The following TENM3 variants were observed in gnomAD, a reference collection of about 807,000 sequenced individuals.
The protein encoded by TENM3 is teneurin transmembrane protein 3.
Under a neutral mutation model 255.1 loss-of-function variants are expected in TENM3, and 63 were observed. The observed-to-expected ratio is 0.25, with a 90% CI of 0.20 to 0.30. TENM3 has a LOEUF of 0.30. Among genes scored for constraint, TENM3 ranks in the 10% least tolerant of loss-of-function variants. The pLI is 1.00. For missense variants in TENM3, 2,929 were observed against 3,461.1 expected, an observed-to-expected ratio of 0.85 and a Z score of 3.86; for synonymous variants, 1,306 against 1,322.3, an observed-to-expected ratio of 0.99 and a Z score of 0.27.
intron 1 of TENM3, among the ~76,000 whole-genome samples, chr4:182,279,370 T>C (rs1760223363): frequency 1.3e-5 from 2 of 152,304 alleles, no homozygotes; most frequent in African/African-American, 4.8e-5. Flanking sequence ...TAGTATAAAA[T>C]GTCGATCAGT....
chr4:181,456,169 G>A, the TENM3 span, among the ~76,000 whole-genome samples: 33 of 138,344 alleles, frequency 2.4e-4, no homozygotes, highest in African/African-American at 9.8e-4. Context: ...ACACATGTGT[G>A]TGTATATATG....
At chr4:182,785,921 A>G (rs1765614815) in intron 24 of TENM3, among the ~76,000 whole-genome samples, 1 of 152,130 alleles carries the variant, frequency 6.6e-6, no homozygotes, top group African/African-American at 2.4e-5. Context: ...TAAGGGGGTG[A>G]AAAACATGAG....
the TENM3 span, among the ~76,000 whole-genome samples, chr4:181,830,840 G>A: frequency 1.3e-5 from 2 of 150,016 alleles, no homozygotes; most frequent in African/African-American, 2.5e-5. Context: ...AGTGTAGGTC[G>A]CTCCTGTAAT....
chr4:182,331,428 C>T (rs771664336), intron 2 of TENM3, among the ~76,000 whole-genome samples: 1 of 152,076 alleles, frequency 6.6e-6, no homozygotes, highest in Non-Finnish European at 1.5e-5. Flanking sequence ...AGCCTGTGGT[C>T]CCAGCTACTC....
the TENM3 span, among the ~76,000 whole-genome samples, chr4:181,983,749 AAAT>A: frequency 6.6e-6 from 1 of 152,074 alleles, no homozygotes; most frequent in Non-Finnish European, 1.5e-5. Context: ...TTTTCAGACA[AAAT>A]AATGTTTATT....
At chr4:182,595,929 A>C (rs1514482) in intron 3 of TENM3, among the ~76,000 whole-genome samples, 51,912 of 150,980 alleles carry the variant, frequency 0.34, 10,265 homozygotes, top group East Asian at 0.49. Context: ...TCTTTATATT[A>C]TTCACATATC....
chr4:182,034,968 G>A, the TENM3 span, among the ~76,000 whole-genome samples: 6 of 152,116 alleles, frequency 3.9e-5, no homozygotes, highest in Admixed American at 3.9e-4. Flanking sequence ...GTGATACCCT[G>A]AAGTGTGTTT....
the TENM3 span, among the ~76,000 whole-genome samples, chr4:181,633,372 C>G: frequency 1.4e-4 from 21 of 152,108 alleles, no homozygotes; most frequent in Non-Finnish European, 2.4e-4. Flanking sequence ...AAATGAGCTG[C>G]GGTATACAAG....
At chr4:181,699,468 A>AT in the TENM3 span, among the ~76,000 whole-genome samples, 2 of 140,858 alleles carry the variant, frequency 1.4e-5, no homozygotes, top group African/African-American at 5.3e-5. Context: ...AAAAAAAAAA[A>AT]AAAAGAAAGA....
the TENM3 span, among the ~76,000 whole-genome samples, chr4:181,760,973 C>CAT: frequency 1.8e-5 from 1 of 55,522 alleles, no homozygotes; most frequent in Non-Finnish European, 4.2e-5. Flanking sequence ...CACACATACA[C>CAT]ACACACACAC....
chr4:181,851,532 G>A, the TENM3 span, among the ~76,000 whole-genome samples: 1 of 152,040 alleles, frequency 6.6e-6, no homozygotes, highest in African/African-American at 2.4e-5. Flanking sequence ...CCTTTTCCTG[G>A]TATTCCAACA....
chr4:181,579,327 T>G, the TENM3 span, among the ~76,000 whole-genome samples: 33 of 152,304 alleles, frequency 2.2e-4, no homozygotes, highest in South Asian at 4.2e-4. Context: ...CTGACTCGTT[T>G]GCAAACTGTT....
chr4:182,021,600 T>C, the TENM3 span, among the ~76,000 whole-genome samples: 3 of 152,306 alleles, frequency 2.0e-5, no homozygotes, highest in African/African-American at 7.2e-5. Flanking sequence ...AAAGATATAT[T>C]TGTCCATTGG....
chr4:181,969,006 A>ATG, the TENM3 span, among the ~76,000 whole-genome samples: 2 of 143,428 alleles, frequency 1.4e-5, no homozygotes, highest in Admixed American at 1.4e-4. Flanking sequence ...ATACATATAT[A>ATG]TGTGTGTGTG....
intron 12 of TENM3, among the ~76,000 whole-genome samples, chr4:182,704,253 A>G (rs1758103221): frequency 6.6e-6 from 1 of 152,240 alleles, no homozygotes; most frequent in African/African-American, 2.4e-5. Context: ...AGGCTACCAC[A>G]AAACTCATAC....
chr4:182,132,424 A>T, the TENM3 span, among the ~76,000 whole-genome samples: 2,303 of 152,238 alleles, frequency 0.015, 48 homozygotes, highest in African/African-American at 0.053. Context: ...TGGAGGTTGC[A>T]GTGAGCTGAG....
intron 1 of TENM3, among the ~76,000 whole-genome samples, chr4:182,317,077 T>C (rs1042568124): frequency 6.6e-6 from 1 of 152,250 alleles, no homozygotes; most frequent in Non-Finnish European, 1.5e-5. Context: ...CAGTTCTTGT[T>C]ACTGCAATCT....
the TENM3 span, among the ~76,000 whole-genome samples, chr4:181,937,263 C>G: frequency 5.9e-5 from 9 of 152,166 alleles, no homozygotes. Flanking sequence ...GGTGGCCTTC[C>G]CAGACTATGG....
At chr4:182,026,791 G>A in the TENM3 span, among the ~76,000 whole-genome samples, 1 of 152,014 alleles carries the variant, frequency 6.6e-6, no homozygotes, top group Non-Finnish European at 1.5e-5. Context: ...TTTGTTTCTG[G>A]GTTCTTTACT....
Sources: gnomAD v4.1 joint callset for allele counts (sites outside exome capture counted in the v4.1 genomes callset) on GRCh38, gnomAD v4.1.1 for gene constraint, MANE v1.5 for transcripts, NCBI Gene and HGNC (gene_info 2026-07-23, HGNC 2026-07-21) for gene names.